Variants in TCF12 observed in about 807,000 individuals in gnomAD.
The protein encoded by TCF12 is DNA-binding protein HTF4.
A neutral mutation model predicts 86.0 loss-of-function variants in TCF12; 45 were observed. That is an observed-to-expected ratio of 0.52 (90% confidence interval 0.41 to 0.67). TCF12 has a LOEUF of 0.67. Ranked by LOEUF, TCF12 falls within the 30% of genes least tolerant of loss-of-function variation. The pLI, the probability that TCF12 is intolerant of heterozygous loss-of-function variation, is 0.00. For missense variants in TCF12, 881 were observed against 859.9 expected, an observed-to-expected ratio of 1.02 and a Z score of -0.31; for synonymous variants, 330 against 299.6, an observed-to-expected ratio of 1.10 and a Z score of -1.05.
At chr15:57,221,971 C>T (rs1298122688) in intron 8 of TCF12, among the ~76,000 whole-genome samples, 2 of 151,986 alleles carry the variant, frequency 1.3e-5, no homozygotes, top group Non-Finnish European at 2.9e-5. Context: ...CATTTCTAGA[C>T]TCTTAAGTGA....
chr15:57,055,779 C>A (rs866358426), intron 3 of TCF12, among the ~76,000 whole-genome samples: 1 of 151,994 alleles, frequency 6.6e-6, no homozygotes, highest in Non-Finnish European at 1.5e-5. Context: ...TGGTTTTCTT[C>A]TTATTTATAC....
chr15:56,990,965 T>G (rs199543842), intron 3 of TCF12, among the ~76,000 whole-genome samples: 2 of 152,132 alleles, frequency 1.3e-5, no homozygotes, highest in East Asian at 3.9e-4. Flanking sequence ...TGGCTAATCC[T>G]TAAATTTTTT....
intron 3 of TCF12, among the ~76,000 whole-genome samples, chr15:57,043,345 T>G (rs1244104952): frequency 2.0e-5 from 3 of 152,218 alleles, no homozygotes; most frequent in Admixed American, 1.3e-4. Flanking sequence ...TATTTTTAAT[T>G]TTTTAAGGAC....
intron 5 of TCF12, among the ~76,000 whole-genome samples, chr15:57,097,191 A>G (rs1160738050): frequency 6.6e-6 from 1 of 152,204 alleles, no homozygotes; most frequent in African/African-American, 2.4e-5. Flanking sequence ...GTTACAAAAT[A>G]TGTAGAATCA....
intron 3 of TCF12, among the ~76,000 whole-genome samples, chr15:56,929,381 A>C (rs1298607401): frequency 6.6e-6 from 1 of 152,242 alleles, no homozygotes; most frequent in Non-Finnish European, 1.5e-5. Flanking sequence ...TGTTAATAAC[A>C]TGACTGTTAT....
At chr15:57,003,764 G>A (rs544664807) in intron 3 of TCF12, among the ~76,000 whole-genome samples, 1 of 152,280 alleles carries the variant, frequency 6.6e-6, no homozygotes, top group African/African-American at 2.4e-5. Flanking sequence ...TATTGAATCC[G>A]TGAATAATGA....
chr15:56,921,022 G>A lies in TCF12; in HGVS notation c.76-4G>A. 1 of 1,589,770 alleles carries A rather than the reference G, an allele frequency of 6.3e-7. No individual in the cohort carries two copies. Among genetic ancestry groups the A allele is most frequent in the Non-Finnish European group, 8.6e-7 (1 of 1,168,118 alleles). On this transcript the variant is annotated splice_region_variant and splice_polypyrimidine_tract_variant and intron_variant, in intron 2 of 20. Transcript: ENST00000333725. ...CTAACAGATATATTTGGGTTATTTTGCAGATGTTTTCCCCACCTGTTAATA... is the reference window on the plus strand; with the variant it reads ...CTAACAGATATATTTGGGTTATTTTACAGATGTTTTCCCCACCTGTTAATA...
At position 57,261,582 on chromosome 15, in the gene TCF12, C is replaced by T. The variant is rs139518159; in HGVS notation, c.1468-512C>T. 6.3e-4 allele frequency among the ~76,000 whole-genome samples: 96 copies of T among 152,120 alleles called. 1 individual carries two copies. The highest frequency in any genetic ancestry group is 7.2e-4 in the Admixed American group (11 of 15,258). On this transcript the variant is annotated intron_variant, in intron 16 of 20. Transcript: ENST00000333725. ...TAAAAGCTTAATCTTCTAGTTGACA[C>T]GTCTGCTACTATTCTAATAAAAACT... is the stretch of plus-strand genomic sequence containing the variant.
intron 18 of TCF12, among the ~76,000 whole-genome samples, chr15:57,263,963 T>C (rs2060711881): frequency 6.6e-6 from 1 of 152,178 alleles, no homozygotes; most frequent in African/African-American, 2.4e-5. Flanking sequence ...TGTGAAGGCC[T>C]AGGACATTTC....
chr15:56,943,882 C>T (rs1428222970), intron 3 of TCF12, among the ~76,000 whole-genome samples: 4 of 152,114 alleles, frequency 2.6e-5, no homozygotes, highest in Admixed American at 1.3e-4. Flanking sequence ...ATTCCTGGAT[C>T]CCCAACCCCA....
At chr15:57,074,617 C>T (rs2069724392) in intron 4 of TCF12, among the ~76,000 whole-genome samples, 1 of 152,146 alleles carries the variant, frequency 6.6e-6, no homozygotes, top group Non-Finnish European at 1.5e-5. Flanking sequence ...AAGTGCCTCT[C>T]CCACCTTAGC....
At chr15:57,099,559 A>AT (rs536679595) in intron 5 of TCF12, among the ~76,000 whole-genome samples, 296 of 152,236 alleles carry the variant, frequency 1.9e-3, no homozygotes, top group African/African-American at 6.9e-3. Context: ...TTAGTTGTTG[A>AT]TTTTTTTAGC....
intron 5 of TCF12, among the ~76,000 whole-genome samples, chr15:57,112,062 T>C (rs1363838217): frequency 2.0e-5 from 3 of 152,188 alleles, no homozygotes; most frequent in African/African-American, 7.2e-5. Context: ...ATATTTTCCA[T>C]GTGATTTAGA....
chr15:56,990,624 A>G (rs1381798921), intron 3 of TCF12, among the ~76,000 whole-genome samples: 7 of 151,802 alleles, frequency 4.6e-5, no homozygotes, highest in South Asian at 2.1e-4. Context: ...TATTAACACT[A>G]CTCTACATAT....
At chr15:56,981,964 AGGCAG>A (rs1384886498) in intron 3 of TCF12, among the ~76,000 whole-genome samples, 1 of 152,108 alleles carries the variant, frequency 6.6e-6, no homozygotes, top group Non-Finnish European at 1.5e-5. Flanking sequence ...ATAGAATGGG[AGGCAG>A]GATAGGCAGG....
chr15:56,974,772 T>G (rs1367822730), intron 3 of TCF12, among the ~76,000 whole-genome samples: 1 of 152,092 alleles, frequency 6.6e-6, no homozygotes, highest in African/African-American at 2.4e-5. Flanking sequence ...CTAAATTGTT[T>G]GACAACTAAT....
intron 3 of TCF12, among the ~76,000 whole-genome samples, chr15:57,057,852 T>C (rs2068151495): frequency 6.6e-6 from 1 of 152,344 alleles, no homozygotes; most frequent in South Asian, 2.1e-4. Flanking sequence ...AAAAATAGCA[T>C]CAACGTTTTG....
At chr15:56,926,312 C>CAAAA (rs10648785) in intron 3 of TCF12, among the ~76,000 whole-genome samples, 2 of 127,402 alleles carry the variant, frequency 1.6e-5, no homozygotes, top group African/African-American at 5.9e-5. Context: ...GACTCTGTCT[C>CAAAA]AAAAAAAAAA....
intron 3 of TCF12, among the ~76,000 whole-genome samples, chr15:57,007,901 CCTTCCTTCCTT>C (rs2064551391): frequency 1.8e-5 from 1 of 55,642 alleles, no homozygotes; most frequent in Admixed American, 2.2e-4. Context: ...TTCCTTCCTT[CCTTCCTTCCTT>C]CCTCTTTCTT....
Sources: gnomAD v4.1 joint callset for allele counts (sites outside exome capture counted in the v4.1 genomes callset) on GRCh38, gnomAD v4.1.1 for gene constraint, MANE v1.5 for transcripts, NCBI Gene and HGNC (gene_info 2026-07-23, HGNC 2026-07-21) for gene names.